LCMT2: variants seen among roughly 807,000 people sequenced by gnomAD.
The protein encoded by LCMT2 is leucine carboxyl methyltransferase 2, also known as tRNA wybutosine-synthesizing protein 4.
In LCMT2, 34 loss-of-function variants were observed where a neutral mutation model predicts 42.0. The observed-to-expected ratio is 0.81, with a 90% CI of 0.62 to 1.08. The LOEUF is 1.08. Ranked by LOEUF, LCMT2 falls within the 50% of genes least tolerant of loss-of-function variation. The pLI is 0.00. For missense variants in LCMT2, 1,091 were observed against 889.4 expected (o/e 1.23, Z -2.88); for synonymous variants, 445 against 369.5 (o/e 1.20, Z -2.34).
Position 43,329,172 on chromosome 15 carries a change from C to A in LCMT2, c.1318G>T (p.Val440Leu). 1 of 1,614,104 alleles carries A rather than the reference C, an allele frequency of 6.2e-7. No homozygotes were observed. The highest frequency in any genetic ancestry group is 8.5e-7 in the Non-Finnish European group (1 of 1,180,028). The change falls in exon 1 of 1, where the codon GTA becomes TTA. Residue 440 changes from valine to leucine, a missense_variant. Physicochemically the swap from Val to Leu is conservative, Grantham distance 32. Transcript: ENST00000305641. ...TGGAGAACCCCCAAGGCTGGACTTA[C>A]TGGGGACAGTCTCCCTCCCAGAACC... The part of the protein sequence containing the change: ...VLVLGGRLSP[V>L]SPALGVLQLH...
rs754611296 is a variant in LCMT2 at position 43,329,295 on chromosome 15, CAG to C, written c.1193_1194del (p.Ser398Ter). ...CTGCCTATTTGGCTGCCTTTCCATT[CAG>C]AGTCACAATCTCTTGAGAGCAAGTG... is the stretch of plus-strand genomic sequence containing the variant. Reference protein sequence around the residue: ...QFHLLSRDCDSEWKGSQIGSC... With the variant: ...QFHLLSRDCDXEWKGSQIGSC... On this transcript the variant is annotated frameshift_variant, in exon 1 of 1. Transcript: ENST00000305641. LOFTEE classifies it high-confidence loss of function. 59 of 1,613,990 alleles carry C rather than the reference CAG, an allele frequency of 3.7e-5. No homozygotes were observed. The highest frequency in any genetic ancestry group is 1.9e-4 in the South Asian group (17 of 91,094).
chr15:43,326,803 G>A lies in LCMT2; in HGVS notation c.*1626C>T, dbSNP rs1435423036. The A allele has an allele frequency of 6.6e-6, 1 of 152,170 alleles. No individual in the cohort carries two copies. The highest frequency in any genetic ancestry group is 2.4e-5 in the African/African-American group (1 of 41,430). 9.4% of individuals were successfully genotyped at this position (152,170 alleles called of 1,614,324 possible). ...CTGTCCTCTCCATACACTTAGGTTT[G>A]TGTTTGCTACTTGGTTTTTATATTA... On this transcript the variant is annotated 3_prime_UTR_variant, in exon 1 of 1. Coordinates refer to ENST00000305641, the MANE Select transcript of LCMT2 (RefSeq NM_014793.5).
Position 43,327,985 on chromosome 15 carries a change from G to A in LCMT2, c.*444C>T, listed in dbSNP as rs1210699590. 1 of 161,694 alleles carries A rather than the reference G, an allele frequency of 6.2e-6. No homozygotes were observed. The highest frequency in any genetic ancestry group is 1.4e-5 in the Non-Finnish European group (1 of 73,090). 10.0% of individuals were successfully genotyped at this position (161,694 alleles called of 1,614,324 possible). ...TTTCAGGTTTCCTACATGAAGAATTGTCAATACTACGCTCCCTCAACTATA... is the reference window on the plus strand; with the variant it reads ...TTTCAGGTTTCCTACATGAAGAATTATCAATACTACGCTCCCTCAACTATA... On this transcript the variant is annotated 3_prime_UTR_variant, in exon 1 of 1. Coordinates refer to ENST00000305641, the MANE Select transcript of LCMT2 (RefSeq NM_014793.5).
At position 43,329,588 on chromosome 15, in the gene LCMT2, A is replaced by G. The variant is rs145642943; in HGVS notation, c.902T>C (p.Leu301Pro). ...EPFDEFEEWHLKCAHYFILAA... is the reference protein window; with the variant it reads ...EPFDEFEEWHPKCAHYFILAA... ...CAGAATGAAATAATGGGCGCACTTCAGATGCCACTCCTCAAATTCGTCAAA... is the reference window on the plus strand; with the variant it reads ...CAGAATGAAATAATGGGCGCACTTCGGATGCCACTCCTCAAATTCGTCAAA... The change falls in exon 1 of 1, where the codon CTG becomes CCG. Residue 301 changes from leucine to proline, a missense_variant. Leu to Pro is a moderately conservative substitution (Grantham distance 98, BLOSUM62 -3). Coordinates refer to ENST00000305641, the MANE Select transcript of LCMT2 (RefSeq NM_014793.5). 1 of 1,614,106 alleles carries G rather than the reference A, an allele frequency of 6.2e-7. No individual in the cohort carries two copies. The highest frequency in any genetic ancestry group is 1.3e-5 in the African/African-American group (1 of 74,958).
chr15:43,329,670 A>C lies in LCMT2; in HGVS notation c.820T>G (p.Phe274Val). ...TACGAVDMNE[F>V]YHCFLPAEER... ...TCTGCGGGAAGAAAGCAGTGATAGA[A>C]TTCATTCATGTCCACGGCACCGCAG... is the stretch of plus-strand genomic sequence containing the variant. The change falls in exon 1 of 1, where the codon TTC (phenylalanine) becomes GTC (valine). Residue 274 changes from phenylalanine (F) to valine (V), a missense_variant. Phe to Val is a conservative substitution (Grantham distance 50, BLOSUM62 -1). Transcript: ENST00000305641. 6.2e-7 allele frequency: 1 copy of C among 1,613,766 alleles called. No individual in the cohort carries two copies. The highest frequency in any genetic ancestry group is 1.1e-5 in the South Asian group (1 of 91,088).
Position 43,330,397 on chromosome 15 carries a change from C to A in LCMT2, c.93G>T (p.Gly31=). ...ACGCGGCAAAGGGGTCCTGCACGTA[C>A]CCGCGCGCGGCCAGGGAACGCTTGC... ...ALSKRSLAAR[G]YVQDPFAALL... is the part of the protein sequence containing the mutation. Residue 31 remains glycine (G), a synonymous_variant, in exon 1 of 1, where the codon GGG becomes GGT. Transcript: ENST00000305641. 1.3e-6 allele frequency: 2 copies of A among 1,580,836 alleles called. No individual in the cohort carries two copies. The highest frequency in any genetic ancestry group is 1.7e-6 in the Non-Finnish European group (2 of 1,170,722).
At position 43,325,774 on chromosome 15, in the gene LCMT2, T is replaced by C. The variant is rs1163716352; in HGVS notation, c.*2655A>G. ...ATGTAAGCAGCATCATAGTGGAAGG[T>C]GTAACCTGGGCTTTGGAGTTAGATC... On this transcript the variant is annotated 3_prime_UTR_variant, in exon 1 of 1. Transcript: ENST00000305641. 2 of 152,132 alleles carry C rather than the reference T, an allele frequency of 1.3e-5. No homozygotes were observed. The highest frequency in any genetic ancestry group is 4.8e-5 in the African/African-American group (2 of 41,414). The allele number at this position is 152,132 out of a possible 1,614,324, so 9.4% of individuals were successfully genotyped here.
Position 43,330,526 on chromosome 15 carries a change from T to A in LCMT2, c.-37A>T, listed in dbSNP as rs755916364. On this transcript the variant is annotated 5_prime_UTR_variant, in exon 1 of 1. Coordinates refer to ENST00000305641, the MANE Select transcript of LCMT2 (RefSeq NM_014793.5). The stretch of plus-strand genomic sequence containing the variant: ...ACTCAGGAATGGCAGTCTGTCACGG[T>A]TGTGAGCCGCCCCTTGGTTAGCACA... 6.6e-7 allele frequency: 1 copy of A among 1,508,090 alleles called. No individual in the cohort carries two copies. The highest frequency in any genetic ancestry group is 8.8e-7 in the Non-Finnish European group (1 of 1,132,494). 93.4% of individuals were successfully genotyped at this position (1,508,090 alleles called of 1,614,324 possible).
rs2043130824 is a variant in LCMT2 at position 43,328,444 on chromosome 15, TAAGG to T, written c.2042_2045del (p.Ser681Ter). The T allele has an allele frequency of 6.2e-7, 1 of 1,613,676 alleles. No homozygotes were observed. Among genetic ancestry groups the T allele is most frequent in the Non-Finnish European group, 8.5e-7 (1 of 1,179,796 alleles). On this transcript the variant is annotated frameshift_variant, in exon 1 of 1. Transcript: ENST00000305641. LOFTEE classifies it high-confidence loss of function. The stretch of plus-strand genomic sequence containing the variant: ...AGTCCAGTCCTTACTGCCCAGCACT[TAAGG>T]AAGAAAGGTCTAATGTGACTGTATG...
chr15:43,330,143 G>A lies in LCMT2; in HGVS notation c.347C>T (p.Pro116Leu), dbSNP rs189031579. 1.2e-6 allele frequency: 2 copies of A among 1,611,312 alleles called. No individual in the cohort carries two copies. Among genetic ancestry groups the A allele is most frequent in the African/African-American group, 2.7e-5 (2 of 74,722 alleles). ...ARAAVWEVDF[P>L]DVARRKAERI... ...TTCTGCTTTGCGCCGCGCCACGTCC[G>A]GAAAATCCACCTCCCAGACTGCAGC... is the stretch of plus-strand genomic sequence containing the variant. The change falls in exon 1 of 1, where the codon CCG becomes CTG. Residue 116 changes from proline to leucine, a missense_variant. Physicochemically the swap from Pro to Leu is moderately conservative, Grantham distance 98. Transcript: ENST00000305641.
In LCMT2 at chr15:43,324,667, A is replaced by AAACAAACC. The variant is rs149653135; in HGVS notation, c.*3761_*3762insGGTTTGTT. On this transcript the variant is annotated 3_prime_UTR_variant, in exon 1 of 1. Transcript: ENST00000305641. ...CAAACAAACAAACAAACAAACAAACAAACCCAAAAAACCTCACCTTATTAA... is the reference window on the plus strand; with the variant it reads ...CAAACAAACAAACAAACAAACAAACAAACAAACCAACCCAAAAAACCTCACCTTATTAA... 39 of 151,674 alleles carry AAACAAACC rather than the reference A, an allele frequency of 2.6e-4. No homozygotes were observed. Among genetic ancestry groups the AAACAAACC allele is most frequent in the East Asian group, 7.7e-4 (4 of 5,190 alleles). The allele number at this position is 151,674 out of a possible 1,614,324, so 9.4% of individuals were successfully genotyped here.
At position 43,329,054 on chromosome 15, in the gene LCMT2, C is replaced by T; in HGVS notation, c.1436G>A (p.Cys479Tyr). Residue 479 changes from cysteine (C) to tyrosine (Y), a missense_variant, in exon 1 of 1, where the codon TGT becomes TAT. Coordinates refer to ENST00000305641, the MANE Select transcript of LCMT2 (RefSeq NM_014793.5). ...CACTTCTGTTGTTGAATGCCGCCAACAACACAAAGTGGAATCATCCTTTCG... is the reference window on the plus strand; with the variant it reads ...CACTTCTGTTGTTGAATGCCGCCAATAACACAAAGTGGAATCATCCTTTCG... ...AGRKDDSTLC[C>Y]WRHSTTEVSC... 1 of 1,614,180 alleles carries T rather than the reference C, an allele frequency of 6.2e-7. No individual in the cohort carries two copies. Among genetic ancestry groups the T allele is most frequent in the East Asian group, 2.2e-5 (1 of 44,888 alleles).
Position 43,326,451 on chromosome 15 carries a change from AC to A in LCMT2, c.*1977del, listed in dbSNP as rs2043118734. ...TCAGGAAAGCTGAAGTTGGACAACA[AC>A]CTTTTTTTTTTTTCTTTTTAAGAGA... On this transcript the variant is annotated 3_prime_UTR_variant, in exon 1 of 1. Coordinates refer to ENST00000305641, the MANE Select transcript of LCMT2 (RefSeq NM_014793.5). 6.9e-6 allele frequency: 1 copy of A among 145,036 alleles called. No homozygotes were observed. Among genetic ancestry groups the A allele is most frequent in the Admixed American group, 6.9e-5 (1 of 14,558 alleles). The allele number at this position is 145,036 out of a possible 1,614,324, so 9.0% of individuals were successfully genotyped here.
Position 43,328,686 on chromosome 15 carries a change from CAACCAGT to C in LCMT2, c.1797_1803del (p.Leu600GlufsTer13). 1.9e-6 allele frequency: 3 copies of C among 1,614,216 alleles called. No homozygotes were observed. Among genetic ancestry groups the C allele is most frequent in the Non-Finnish European group, 2.5e-6 (3 of 1,180,032 alleles). Reference sequence around the variant, plus strand: ...GAGGAGGAATGAATCCAGATCCCTCCAACCAGTAACAGCTTTCCATTGAGCACATGAG... The same window carrying C: ...GAGGAGGAATGAATCCAGATCCCTCCAACAGCTTTCCATTGAGCACATGAG... On this transcript the variant is annotated frameshift_variant, in exon 1 of 1. Coordinates refer to ENST00000305641, the MANE Select transcript of LCMT2 (RefSeq NM_014793.5). LOFTEE classifies it high-confidence loss of function.
Position 43,329,005 on chromosome 15 carries a change from CAA to C in LCMT2, c.1483_1484del (p.Leu495ValfsTer15). On this transcript the variant is annotated frameshift_variant, in exon 1 of 1. Transcript: ENST00000305641. LOFTEE classifies it high-confidence loss of function. ...CCACGCTTCGACCCCCATACACAAA[CAA>C]ATATTCCTGATTCTGACAGGACACT... ...TEVSCQNQEY[L>X]FVYGGRSVVE... 6.2e-7 allele frequency: 1 copy of C among 1,614,210 alleles called. No homozygotes were observed. Among genetic ancestry groups the C allele is most frequent in the South Asian group, 1.1e-5 (1 of 91,080 alleles).
rs751558261 is a variant in LCMT2 at position 43,329,060 on chromosome 15, A to T, written c.1430T>A (p.Leu477Ter). ...TKAGRKDDST[L>*]CCWRHSTTEV... ...TGTTGTTGAATGCCGCCAACAACACAAAGTGGAATCATCCTTTCGGCCAGC... is the reference window on the plus strand; with the variant it reads ...TGTTGTTGAATGCCGCCAACAACACTAAGTGGAATCATCCTTTCGGCCAGC... Residue 477 changes from leucine to a stop codon, truncating the protein, a stop_gained, in exon 1 of 1, where the codon TTG becomes TAG. Coordinates refer to ENST00000305641, the MANE Select transcript of LCMT2 (RefSeq NM_014793.5). LOFTEE classifies it high-confidence loss of function. 14 of 1,614,064 alleles carry T rather than the reference A, an allele frequency of 8.7e-6. No homozygotes were observed. Among genetic ancestry groups the T allele is most frequent in the African/African-American group, 1.3e-5 (1 of 74,936 alleles).
In LCMT2 at chr15:43,330,129, G is replaced by A; in HGVS notation, c.361C>T (p.Arg121Cys). ...WEVDFPDVARRKAERIGETPE... is the reference protein window; with the variant it reads ...WEVDFPDVARCKAERIGETPE... ...GTCTCTCCAATCCTTTCTGCTTTGC[G>A]CCGCGCCACGTCCGGAAAATCCACC... The change falls in exon 1 of 1, where the codon CGC (arginine) becomes TGC (cysteine). Residue 121 changes from arginine to cysteine, a missense_variant. Coordinates refer to ENST00000305641, the MANE Select transcript of LCMT2 (RefSeq NM_014793.5). The A allele has an allele frequency of 6.2e-7, 1 of 1,611,966 alleles. No homozygotes were observed. The highest frequency in any genetic ancestry group is 8.5e-7 in the Non-Finnish European group (1 of 1,179,930).
Position 43,329,260 on chromosome 15 carries a change from A to G in LCMT2, c.1230T>C (p.Thr410=). 1 of 1,614,042 alleles carries G rather than the reference A, an allele frequency of 6.2e-7. No homozygotes were observed. The highest frequency in any genetic ancestry group is 8.5e-7 in the Non-Finnish European group (1 of 1,180,042). ...WKGSQIGSCG[T]GVQWDGRLYH... is the part of the protein sequence containing the mutation. ...AAAGGCGTCCATCCCACTGAACTCC[A>G]GTCCCACAACTGCCTATTTGGCTGC... The change falls in exon 1 of 1, where the codon ACT becomes ACC. Residue 410 remains threonine (T), a synonymous_variant. Coordinates refer to ENST00000305641, the MANE Select transcript of LCMT2 (RefSeq NM_014793.5).
At position 43,330,103 on chromosome 15, in the gene LCMT2, C is replaced by T; in HGVS notation, c.387G>A (p.Thr129=). The change falls in exon 1 of 1, where the codon ACG becomes ACA. Residue 129 remains threonine, a synonymous_variant. Transcript: ENST00000305641. ...ARRKAERIGE[T]PELCALTGPF... ...GCCCGGTTAACGCGCACAGCTCTGG[C>T]GTCTCTCCAATCCTTTCTGCTTTGC... is the stretch of plus-strand genomic sequence containing the variant. 6.2e-7 allele frequency: 1 copy of T among 1,611,970 alleles called. No individual in the cohort carries two copies. The highest frequency in any genetic ancestry group is 8.5e-7 in the Non-Finnish European group (1 of 1,179,900).
Sources: allele counts gnomAD v4.1 joint callset, GRCh38; gene constraint gnomAD v4.1.1; transcripts MANE v1.5; gene names NCBI Gene and HGNC (gene_info 2026-07-23, HGNC 2026-07-21).